The following DIP2C variants were observed in gnomAD, a reference collection of about 807,000 sequenced individuals.
DIP2C encodes DIP2 acetate--CoA ligase C (putative), also known as disco-interacting protein 2 homolog C.
A neutral mutation model predicts 192.4 loss-of-function variants in DIP2C; 33 were observed. The observed-to-expected ratio is 0.17, with a 90% confidence interval of 0.13 to 0.23. DIP2C has a LOEUF of 0.23. DIP2C is among the 10% of genes least tolerant of loss of function. The pLI is 1.00. For synonymous variants in DIP2C, 979 were observed against 864.1 expected, an observed-to-expected ratio of 1.13 and a Z score of -2.33; for missense variants, 1,537 against 2,110.1, an observed-to-expected ratio of 0.73 and a Z score of 5.32.
At chr10:495,233 A>G (rs1333935405) in intron 1 of DIP2C, among the ~76,000 whole-genome samples, 1 of 152,174 alleles carries the variant, frequency 6.6e-6, no homozygotes, top group African/African-American at 2.4e-5. Context: ...AAGGGGAAAC[A>G]GGGAGATGCT....
At chr10:627,663 G>A (rs140412736) in intron 1 of DIP2C, among the ~76,000 whole-genome samples, 65 of 152,354 alleles carry the variant, frequency 4.3e-4, no homozygotes, top group African/African-American at 1.6e-3. Context: ...GAGGTGTAAG[G>A]GAAACCCCAA....
rs535617593 is a variant in DIP2C, at chr10:595,666, C to G, written c.85+93828G>C. Among the ~76,000 whole-genome samples, 5 of 152,272 alleles carry G rather than the reference C, an allele frequency of 3.3e-5. No individual in the cohort carries two copies. The East Asian group carries it at 9.7e-4, about 29-fold the overall frequency. The stretch of plus-strand genomic sequence containing the variant: ...CAGGGACATCGGTTCCAGGACACCC[C>G]GGGTTTACCGAAATCCACGCGTCCG... On this transcript the variant is annotated intron_variant, in intron 1 of 36. Coordinates refer to ENST00000280886, the MANE Select transcript of DIP2C (RefSeq NM_014974.3).
intron 1 of DIP2C, among the ~76,000 whole-genome samples, chr10:626,000 A>G (rs995415514): frequency 2.0e-5 from 3 of 152,210 alleles, no homozygotes; most frequent in Admixed American, 6.5e-5. Context: ...GAAATATTCA[A>G]TTAATCACTT....
chr10:577,741 GAA>G (rs1850258731), intron 1 of DIP2C, among the ~76,000 whole-genome samples: 1 of 152,068 alleles, frequency 6.6e-6, no homozygotes, highest in Non-Finnish European at 1.5e-5. Flanking sequence ...ACACCTGGGA[GAA>G]ATGTAAGGCA....
chr10:648,868 C>T (rs572354506), intron 1 of DIP2C, among the ~76,000 whole-genome samples: 8 of 149,740 alleles, frequency 5.3e-5, no homozygotes, highest in African/African-American at 1.7e-4. Flanking sequence ...ACTGAGTCCA[C>T]GTCAACATTT....
intron 1 of DIP2C, among the ~76,000 whole-genome samples, chr10:571,406 G>C (rs969940578): frequency 1.3e-5 from 2 of 152,110 alleles, no homozygotes; most frequent in Admixed American, 6.5e-5. Context: ...GTCGGGAACC[G>C]GCTCCGGGGC....
intron 1 of DIP2C, among the ~76,000 whole-genome samples, chr10:660,078 A>G (rs932310391): frequency 6.6e-6 from 1 of 152,266 alleles, no homozygotes; most frequent in Non-Finnish European, 1.5e-5. Flanking sequence ...TCAGCAGAGC[A>G]GGTCGCTCAG....
At chr10:567,280 C>A (rs1428749511) in intron 1 of DIP2C, among the ~76,000 whole-genome samples, 1 of 152,106 alleles carries the variant, frequency 6.6e-6, no homozygotes, top group African/African-American at 2.4e-5. Flanking sequence ...CCTCTACCTC[C>A]CAGATTCAAG....
chr10:626,033 T>A (rs1854179825), intron 1 of DIP2C, among the ~76,000 whole-genome samples: 1 of 152,158 alleles, frequency 6.6e-6, no homozygotes, highest in African/African-American at 2.4e-5. Context: ...CATACGAAGC[T>A]ATTTACAAAG....
chr10:392,795 A>G (rs1963590645), intron 10 of DIP2C, among the ~76,000 whole-genome samples: 1 of 151,204 alleles, frequency 6.6e-6, no homozygotes, highest in Non-Finnish European at 1.5e-5. Context: ...CCATGCACAC[A>G]CGCGGATGCG....
chr10:334,543 C>A (rs1957663769), intron 29 of DIP2C, among the ~76,000 whole-genome samples: 1 of 152,068 alleles, frequency 6.6e-6, no homozygotes, highest in African/African-American at 2.4e-5. Context: ...CCTGTGTTTT[C>A]TAAAATTTTT....
intron 32 of DIP2C, among the ~76,000 whole-genome samples, chr10:297,002 C>T (rs1284335879): frequency 3.3e-5 from 5 of 151,550 alleles, no homozygotes; most frequent in Non-Finnish European, 7.4e-5. Context: ...CAAACCTGCA[C>T]GTTGTGCACA....
chr10:623,227 A>G (rs1853982204), intron 1 of DIP2C, among the ~76,000 whole-genome samples: 1 of 151,778 alleles, frequency 6.6e-6, no homozygotes, highest in Non-Finnish European at 1.5e-5. Flanking sequence ...GGGATGCTGC[A>G]GCCGGGCTGG....
intron 26 of DIP2C, among the ~76,000 whole-genome samples, chr10:345,369 G>T (rs1267184180): frequency 6.6e-6 from 1 of 151,840 alleles, no homozygotes; most frequent in Non-Finnish European, 1.5e-5. Context: ...TGTGACATGT[G>T]CAGAAAAGAG....
At chr10:459,948 A>T (rs1589843960) in intron 3 of DIP2C, among the ~76,000 whole-genome samples, 1 of 121,564 alleles carries the variant, frequency 8.2e-6, no homozygotes, top group African/African-American at 3.3e-5. Flanking sequence ...GCTGCACGTG[A>T]GCTCTAGGAC....
At chr10:397,465 G>A (rs1964077462) in intron 10 of DIP2C, among the ~76,000 whole-genome samples, 5 of 150,996 alleles carry the variant, frequency 3.3e-5, no homozygotes, top group Admixed American at 3.3e-4. Flanking sequence ...GAGGGGCAGA[G>A]GTTGCAGTGA....
intron 35 of DIP2C, among the ~76,000 whole-genome samples, chr10:282,816 G>A (rs911667211): frequency 1.6e-4 from 24 of 152,234 alleles, no homozygotes; most frequent in African/African-American, 5.8e-4. Context: ...CGAGAGCCTC[G>A]CGGCCTCCTC....
rs895775752 is a variant in DIP2C, at chr10:428,140, G to A, written c.395-5107C>T. Among the ~76,000 whole-genome samples, 6 of 152,182 alleles carry A rather than the reference G, an allele frequency of 3.9e-5. No individual in the cohort carries two copies. In the East Asian group the frequency reaches 5.8e-4, roughly 15 times the overall value. On this transcript the variant is annotated intron_variant, in intron 4 of 36. Coordinates refer to ENST00000280886, the MANE Select transcript of DIP2C (RefSeq NM_014974.3). ...AAAACAGGTGAAGGTGTAGAGAAGC[G>A]TGGACATTTTATGATTTTATATCAT... is the stretch of plus-strand genomic sequence containing the variant.
chr10:363,480 A>C lies in DIP2C; in HGVS notation c.2478-169T>G, dbSNP rs531860842. On this transcript the variant is annotated intron_variant, in intron 20 of 36. Transcript: ENST00000280886. This position sits in a 1 kb window ranked among gnomAD's most constrained non-coding sequence, Gnocchi z 5.4. ...CCCCACACTCATCAGTACGGGAAGA[A>C]CTGTGGGAGGCGCCCAGGGATGCTG... Among the ~76,000 whole-genome samples the C allele has an allele frequency of 6.6e-6, 1 of 152,270 alleles. No homozygotes were observed. The highest frequency in any genetic ancestry group is 2.1e-4 in the South Asian group (1 of 4,818).
Sources: gnomAD v4.1 joint callset for allele counts (sites outside exome capture counted in the v4.1 genomes callset) on GRCh38, gnomAD v4.1.1 for gene constraint, Gnocchi (gnomAD v3.1) non-coding constraint, MANE v1.5 for transcripts, NCBI Gene and HGNC (gene_info 2026-07-23, HGNC 2026-07-21) for gene names.